Variants in CLSTN1 observed in about 807,000 individuals in gnomAD.
CLSTN1 encodes calsyntenin 1.
A neutral mutation model predicts 108.3 loss-of-function variants in CLSTN1; 28 were observed. The ratio of observed to expected loss-of-function variants is 0.26; its 90% CI spans 0.19 to 0.35. The LOEUF is 0.35. Ranked by LOEUF, CLSTN1 falls within the 10% of genes least tolerant of loss-of-function variation. The pLI is 1.00. For synonymous variants in CLSTN1, 524 were observed against 534.9 expected (o/e 0.98, Z 0.28); for missense variants, 1,157 against 1,302.6 (o/e 0.89, Z 1.72).
chr1:9,761,764 G>C lies in CLSTN1; in HGVS notation c.215-5254C>G, dbSNP rs188165637. ...TACACACGTCTCCCAGCTCTCAGGGGACCCTGCCCTTATATTGCAAATGTT... is the reference window on the plus strand; with the variant it reads ...TACACACGTCTCCCAGCTCTCAGGGCACCCTGCCCTTATATTGCAAATGTT... On this transcript the variant is annotated intron_variant, in intron 2 of 18. Transcript: ENST00000377298. Among the ~76,000 whole-genome samples the C allele has an allele frequency of 2.8e-3, 420 of 152,244 alleles. 2 individuals are homozygous for C. Among genetic ancestry groups the C allele is most frequent in the Admixed American group, 4.6e-3 (71 of 15,284 alleles).
chr1:9,788,918 A>ATATG (rs1488211822), intron 1 of CLSTN1, among the ~76,000 whole-genome samples: 1 of 150,706 alleles, frequency 6.6e-6, no homozygotes, highest in Non-Finnish European at 1.5e-5. Flanking sequence ...CTAGTACCTC[A>ATATG]TATGAGTGGG....
chr1:9,773,758 G>C lies in CLSTN1; in HGVS notation c.92-364C>G, dbSNP rs116505755. The stretch of plus-strand genomic sequence containing the variant: ...CACTTCTTTATGATTTTTTGAGACA[G>C]AGTCTTGCTCTGTCACCCAGGCTGG... On this transcript the variant is annotated intron_variant, in intron 1 of 18. Coordinates refer to ENST00000377298, the MANE Select transcript of CLSTN1 (RefSeq NM_001009566.3). 7.8e-3 allele frequency among the ~76,000 whole-genome samples: 1,191 copies of C among 152,274 alleles called. 19 individuals carry two copies. Among genetic ancestry groups the C allele is most frequent in the African/African-American group, 0.028 (1,149 of 41,568 alleles).
Position 9,823,101 on chromosome 1 carries a change from T to C in CLSTN1, c.91+542A>G, listed in dbSNP as rs1655250909. On this transcript the variant is annotated intron_variant, in intron 1 of 18. Coordinates refer to ENST00000377298, the MANE Select transcript of CLSTN1 (RefSeq NM_001009566.3). This position sits in a 1 kb window ranked among gnomAD's most constrained non-coding sequence, Gnocchi z 6.3. Reference sequence around the variant, plus strand: ...AGGGGCGAAGTCGTGGTGTCCGCGGTGCAGCAACACAGAATCGGGATCTTG... The same window carrying C: ...AGGGGCGAAGTCGTGGTGTCCGCGGCGCAGCAACACAGAATCGGGATCTTG... 6.6e-6 allele frequency among the ~76,000 whole-genome samples: 1 copy of C among 152,186 alleles called. No homozygotes were observed. Among genetic ancestry groups the C allele is most frequent in the Non-Finnish European group, 1.5e-5 (1 of 68,046 alleles).
chr1:9,778,222 CAACACACACA>C (rs1486384356), intron 1 of CLSTN1, among the ~76,000 whole-genome samples: 1 of 73,442 alleles, frequency 1.4e-5, no homozygotes, highest in Non-Finnish European at 2.6e-5. Flanking sequence ...TTCTCCTCCC[CAACACACACA>C]CACACACACA....
At chr1:9,765,735 C>G (rs1391919437) in intron 2 of CLSTN1, among the ~76,000 whole-genome samples, 4 of 151,910 alleles carry the variant, frequency 2.6e-5, no homozygotes, top group African/African-American at 9.7e-5. Context: ...CAAAAATTAG[C>G]CGGGCGTGGT....
chr1:9,735,081 G>A lies in CLSTN1; in HGVS notation c.1977C>T (p.Gly659=), dbSNP rs35981252. 2.1e-4 allele frequency: 337 copies of A among 1,614,212 alleles called. 1 individual carries two copies. The African/African-American group carries it at 3.9e-3, about 19-fold the overall frequency. ...QPEEPKISLS[G]VHHFARAASE... is the part of the protein sequence containing the mutation. Reference sequence around the variant, plus strand: ...AAGCTGCTCGGGCAAAATGGTGGACGCCACTCAGGCTGATCTTGGGCTCCT... The same window carrying A: ...AAGCTGCTCGGGCAAAATGGTGGACACCACTCAGGCTGATCTTGGGCTCCT... Residue 659 remains glycine, a synonymous_variant, in exon 14 of 19, where the codon GGC becomes GGT. Coordinates refer to ENST00000377298, the MANE Select transcript of CLSTN1 (RefSeq NM_001009566.3).
At chr1:9,797,386 T>A (rs1488071377) in intron 1 of CLSTN1, among the ~76,000 whole-genome samples, 1 of 152,128 alleles carries the variant, frequency 6.6e-6, no homozygotes, top group African/African-American at 2.4e-5. Flanking sequence ...TGTAATTCTA[T>A]CCCTTTGGAG....
chr1:9,773,892 TTGAC>T (rs975344547), intron 1 of CLSTN1, among the ~76,000 whole-genome samples: 6 of 150,892 alleles, frequency 4.0e-5, no homozygotes, highest in Non-Finnish European at 8.9e-5. Flanking sequence ...ACCACCATAC[TTGAC>T]TTATTTTTTT....
At position 9,734,609 on chromosome 1, in the gene CLSTN1, C is replaced by A. The variant is rs1650586450; in HGVS notation, c.2110+339G>T. Among the ~76,000 whole-genome samples the A allele has an allele frequency of 1.3e-5, 2 of 151,392 alleles. No individual in the cohort carries two copies. Among genetic ancestry groups the A allele is most frequent in the African/African-American group, 4.9e-5 (2 of 41,164 alleles). On this transcript the variant is annotated intron_variant, in intron 14 of 18. Transcript: ENST00000377298. The surrounding 1 kb of genome is among the most constrained non-coding windows in gnomAD (Gnocchi z 4.8). The stretch of plus-strand genomic sequence containing the variant: ...AAAAAAGGGGGGGAGTTTCATGTGT[C>A]CTGAGCAAGAATTGTGGGGACATTG...
At chr1:9,761,700 C>A (rs1652081823) in intron 2 of CLSTN1, among the ~76,000 whole-genome samples, 1 of 152,130 alleles carries the variant, frequency 6.6e-6, no homozygotes. Context: ...CCCTGCTGTT[C>A]TTTCGAAGTC....
chr1:9,777,778 T>C (rs192091758), intron 1 of CLSTN1, among the ~76,000 whole-genome samples: 12 of 152,208 alleles, frequency 7.9e-5, no homozygotes, highest in East Asian at 3.9e-4. Flanking sequence ...CCCCTTAACA[T>C]AGTCTCTAGA....
chr1:9,798,120 G>C (rs947264956), intron 1 of CLSTN1, among the ~76,000 whole-genome samples: 2 of 142,962 alleles, frequency 1.4e-5, no homozygotes, highest in African/African-American at 2.6e-5. Flanking sequence ...GAGGGAGAGA[G>C]GGAGAGAGGG....
intron 2 of CLSTN1, among the ~76,000 whole-genome samples, chr1:9,767,686 A>C (rs995075060): frequency 3.9e-5 from 6 of 152,164 alleles, no homozygotes; most frequent in African/African-American, 1.4e-4. Flanking sequence ...ACATGGTGCG[A>C]AATTAAACTC....
At chr1:9,754,445 G>T (rs993986799) in intron 4 of CLSTN1, among the ~76,000 whole-genome samples, 1 of 152,104 alleles carries the variant, frequency 6.6e-6, no homozygotes, top group East Asian at 1.9e-4. Context: ...TGTAATCCCA[G>T]CTACTCGGGA....
chr1:9,792,271 C>G (rs979693850), intron 1 of CLSTN1, among the ~76,000 whole-genome samples: 1 of 151,310 alleles, frequency 6.6e-6, no homozygotes, highest in Non-Finnish European at 1.5e-5. Flanking sequence ...ACAGCAATGC[C>G]GGTATTCCAC....
At chr1:9,756,279 T>C (rs1651801038) in intron 3 of CLSTN1, among the ~76,000 whole-genome samples, 1 of 152,246 alleles carries the variant, frequency 6.6e-6, no homozygotes, top group Non-Finnish European at 1.5e-5. Context: ...TTCAAATGGA[T>C]GTCTGATTTC....
At chr1:9,763,087 G>A (rs529456815) in intron 2 of CLSTN1, among the ~76,000 whole-genome samples, 8 of 151,760 alleles carry the variant, frequency 5.3e-5, no homozygotes, top group Non-Finnish European at 5.9e-5. Context: ...TCAGCCTCCC[G>A]AGTAGCTGGG....
rs113794825 is a variant in CLSTN1, at chr1:9,730,194, G to C, written c.*314C>G. The stretch of plus-strand genomic sequence containing the variant: ...TGGCATGGCTTTTCTGGAGTGCGAG[G>C]GGCCAGTGTCCTCTCCCCGGGGGGA... On this transcript the variant is annotated 3_prime_UTR_variant, in exon 19 of 19. Transcript: ENST00000377298. This position sits in a 1 kb window ranked among gnomAD's most constrained non-coding sequence, Gnocchi z 5.6. The C allele has an allele frequency of 0.011, 4,748 of 431,212 alleles. 175 individuals are homozygous for C. The highest frequency in any genetic ancestry group is 0.071 in the African/African-American group (3,634 of 51,378). The allele number at this position is 431,212 out of a possible 1,614,324, so 26.7% of individuals were successfully genotyped here. A position where few individuals can be genotyped will look rare whatever the true frequency, so the allele number is the denominator to read the frequency against.
chr1:9,816,764 A>G (rs1311665765), intron 1 of CLSTN1, among the ~76,000 whole-genome samples: 1 of 152,136 alleles, frequency 6.6e-6, no homozygotes, highest in East Asian at 1.9e-4. Flanking sequence ...CTCCTGCCTC[A>G]GCCTCCCAAG....
Sources: allele counts gnomAD v4.1 joint callset (sites outside exome capture counted in the v4.1 genomes callset), GRCh38; gene constraint gnomAD v4.1.1; non-coding constraint Gnocchi (gnomAD v3.1); transcripts MANE v1.5; gene names NCBI Gene and HGNC (gene_info 2026-07-23, HGNC 2026-07-21).